NXPE2: variants seen among roughly 807,000 people sequenced by gnomAD.
NXPE2 encodes NXPE family member 2.
In NXPE2, 34 loss-of-function variants were observed where a neutral mutation model predicts 34.4. The observed-to-expected ratio is 0.99, with a 90% CI of 0.75 to 1.31. The LOEUF is 1.31. Ranked by LOEUF, NXPE2 falls within the 40% of genes most tolerant of loss-of-function variation. The probability of loss-of-function intolerance (pLI) is 0.00; values close to 1 mark genes in which losing one functional copy is unlikely to be tolerated. For synonymous variants in NXPE2, 235 were observed against 231.3 expected, an observed-to-expected ratio of 1.02 and a Z score of -0.15; for missense variants, 649 against 672.5, an observed-to-expected ratio of 0.97 and a Z score of 0.39.
chr11:114,586,888 T>C, the NXPE2 span, among the ~76,000 whole-genome samples: 5 of 152,204 alleles, frequency 3.3e-5, no homozygotes, highest in African/African-American at 1.2e-4. Flanking sequence ...GGAAATGCCA[T>C]AATGCCTGGG....
At chr11:114,482,779 C>T in the NXPE2 span, among the ~76,000 whole-genome samples, 1 of 152,188 alleles carries the variant, frequency 6.6e-6, no homozygotes, top group Non-Finnish European at 1.5e-5. Flanking sequence ...TTCTCCAACA[C>T]TTCTCTACTC....
At chr11:114,640,095 TATA>T in the NXPE2 span, among the ~76,000 whole-genome samples, 3 of 121,266 alleles carry the variant, frequency 2.5e-5, no homozygotes, top group East Asian at 7.8e-4. Flanking sequence ...TGTAATATAA[TATA>T]TGATTATATA....
At chr11:114,572,954 T>C in the NXPE2 span, among the ~76,000 whole-genome samples, 17 of 152,264 alleles carry the variant, frequency 1.1e-4, no homozygotes, top group Non-Finnish European at 1.3e-4. Flanking sequence ...TCTTAAGAGC[T>C]GTGAGGCAAA....
the NXPE2 span, chr11:114,583,310 G>A: frequency 1.6e-6 from 1 of 629,738 alleles, no homozygotes; most frequent in South Asian, 1.6e-5. Context: ...TAGGGGTGTT[G>A]GAAATTACTA....
At chr11:114,469,228 C>G in the NXPE2 span, among the ~76,000 whole-genome samples, 1 of 147,498 alleles carries the variant, frequency 6.8e-6, no homozygotes. Context: ...TCTCCTGCCT[C>G]AGCCTCCCGA....
chr11:114,627,961 A>T, the NXPE2 span, among the ~76,000 whole-genome samples: 1 of 152,022 alleles, frequency 6.6e-6, no homozygotes, highest in Non-Finnish European at 1.5e-5. Flanking sequence ...ACTCAACAAG[A>T]AGAGCTAACT....
At chr11:114,714,957 G>T in the NXPE2 span, among the ~76,000 whole-genome samples, 1 of 152,146 alleles carries the variant, frequency 6.6e-6, no homozygotes, top group African/African-American at 2.4e-5. Context: ...GGAGACAGAG[G>T]TTGCAGTGAG....
chr11:114,641,053 A>G, the NXPE2 span, among the ~76,000 whole-genome samples: 1 of 152,038 alleles, frequency 6.6e-6, no homozygotes, highest in Non-Finnish European at 1.5e-5. Flanking sequence ...AAGACATCAG[A>G]AAGAAGAACC....
chr11:114,701,749 T>C (rs1404174611), intron 3 of NXPE2, among the ~76,000 whole-genome samples: 2 of 152,212 alleles, frequency 1.3e-5, no homozygotes, highest in African/African-American at 4.8e-5. Flanking sequence ...ATTTGTAACA[T>C]AGTACCGTTA....
chr11:114,725,545 C>T, the NXPE2 span, among the ~76,000 whole-genome samples: 1,379 of 152,016 alleles, frequency 9.1e-3, 21 homozygotes, highest in African/African-American at 0.032. Flanking sequence ...CAATCCATAG[C>T]CCCTTCAGGA....
chr11:114,670,710 A>G, the NXPE2 span, among the ~76,000 whole-genome samples: 2 of 151,994 alleles, frequency 1.3e-5, no homozygotes, highest in Non-Finnish European at 2.9e-5. Flanking sequence ...AATAAATAAA[A>G]GTAAAACAAG....
intron 2 of NXPE2, among the ~76,000 whole-genome samples, chr11:114,681,907 G>A (rs750522715): frequency 3.5e-4 from 53 of 152,070 alleles, no homozygotes; most frequent in Non-Finnish European, 6.2e-4. Flanking sequence ...GTCAGAAAAA[G>A]ACATAATTTA....
chr11:114,698,237 G>A lies in NXPE2; in HGVS notation c.325G>A (p.Ala109Thr). 2 of 1,613,756 alleles carry A rather than the reference G, an allele frequency of 1.2e-6. No individual in the cohort carries two copies. The highest frequency in any genetic ancestry group is 1.7e-6 in the Non-Finnish European group (2 of 1,179,810). ...CACCCATGTGAATACCACCACCAGT[G>A]CCACACACAGCACAGCCACCATCCT... ...PFTHVNTTTS[A>T]THSTATILNP... Residue 109 changes from alanine to threonine, a missense_variant, in exon 3 of 6, where the codon GCC becomes ACC. Physicochemically the swap from Ala to Thr is moderately conservative, Grantham distance 58. Transcript: ENST00000389586.
At chr11:114,686,971 T>C (rs2135541821) in intron 2 of NXPE2, among the ~76,000 whole-genome samples, 1 of 152,256 alleles carries the variant, frequency 6.6e-6, no homozygotes, top group Non-Finnish European at 1.5e-5. Context: ...TTTGTGTTTT[T>C]CCTGTTGATT....
the NXPE2 span, among the ~76,000 whole-genome samples, chr11:114,532,784 G>C: frequency 6.6e-6 from 1 of 152,084 alleles, no homozygotes. Context: ...ACAGGTGTGT[G>C]TGCATTTGTC....
chr11:114,616,447 A>T, the NXPE2 span, among the ~76,000 whole-genome samples: 1 of 151,632 alleles, frequency 6.6e-6, no homozygotes, highest in South Asian at 2.1e-4. Flanking sequence ...CTCTAGTGTA[A>T]CCACTGTTAC....
the NXPE2 span, chr11:114,582,194 A>G: frequency 7.2e-7 from 1 of 1,385,394 alleles, no homozygotes; most frequent in South Asian, 1.5e-5. Flanking sequence ...AAAGACACCC[A>G]AAATTAATAC....
At chr11:114,623,185 T>G in the NXPE2 span, among the ~76,000 whole-genome samples, 1 of 152,022 alleles carries the variant, frequency 6.6e-6, no homozygotes, top group Non-Finnish European at 1.5e-5. Context: ...AATTATTGCC[T>G]CTAGGGTAAC....
the NXPE2 span, among the ~76,000 whole-genome samples, chr11:114,563,468 A>T: frequency 1.3e-5 from 2 of 152,168 alleles, no homozygotes; most frequent in Non-Finnish European, 2.9e-5. Flanking sequence ...AAAGTTTGGG[A>T]TTATTTTAAT....
Sources: gnomAD v4.1 joint callset for allele counts (sites outside exome capture counted in the v4.1 genomes callset) on GRCh38, gnomAD v4.1.1 for gene constraint, MANE v1.5 for transcripts, NCBI Gene and HGNC (gene_info 2026-07-23, HGNC 2026-07-21) for gene names.